The following GSE1 variants were observed in gnomAD, a reference collection of about 807,000 sequenced individuals.
GSE1 encodes Gse1 coiled-coil protein.
GSE1 carries 32 observed loss-of-function variants against 112.6 expected under a neutral mutation model. The observed-to-expected ratio is 0.28, with a 90% confidence interval of 0.21 to 0.38. The LOEUF (loss-of-function observed/expected upper bound fraction) is 0.38. Among genes scored for constraint, GSE1 ranks in the 10% least tolerant of loss-of-function variants. GSE1 has a pLI of 1.00. For missense variants in GSE1, 2,348 were observed against 1,699.2 expected (o/e 1.38, Z -6.71); for synonymous variants, 1,115 against 735.6 (o/e 1.52, Z -8.35).
chr16:85,194,129 C>G (rs4783145), intron 1 of GSE1, among the ~76,000 whole-genome samples: 24,781 of 152,046 alleles, frequency 0.16, 2,231 homozygotes, highest in Middle Eastern at 0.29. Context: ...TTCACTCTGA[C>G]TCCACGCCCC....
chr16:85,407,897 G>A (rs1410273971), intron 2 of GSE1, among the ~76,000 whole-genome samples: 3 of 37,676 alleles, frequency 8.0e-5, no homozygotes, highest in Admixed American at 6.5e-4. Context: ...TTACACTCAG[G>A]GCCCCCCTGG....
chr16:85,277,780 G>T (rs559720648), intron 1 of GSE1, among the ~76,000 whole-genome samples: 1 of 152,180 alleles, frequency 6.6e-6, no homozygotes, highest in Non-Finnish European at 1.5e-5. Flanking sequence ...CCCTGCCTTC[G>T]AGCTGTGTCT....
intron 1 of GSE1, among the ~76,000 whole-genome samples, chr16:85,586,243 C>T (rs564786730): frequency 6.6e-6 from 1 of 152,378 alleles, no homozygotes; most frequent in East Asian, 1.9e-4. Flanking sequence ...CTGCAATTTC[C>T]AGATGAGGGC....
At chr16:85,539,391 C>T (rs2044442633) in intron 2 of GSE1, among the ~76,000 whole-genome samples, 1 of 152,214 alleles carries the variant, frequency 6.6e-6, no homozygotes, top group Non-Finnish European at 1.5e-5. Context: ...AACCTAATTA[C>T]ACCTGCAATT....
intron 1 of GSE1, among the ~76,000 whole-genome samples, chr16:85,314,605 C>T (rs1256008299): frequency 6.6e-6 from 1 of 152,218 alleles, no homozygotes; most frequent in Non-Finnish European, 1.5e-5. Flanking sequence ...CACCCACAGG[C>T]TCCCTCCTTC....
intron 8 of GSE1, among the ~76,000 whole-genome samples, chr16:85,658,453 G>A (rs2052158667): frequency 6.6e-6 from 1 of 152,238 alleles, no homozygotes; most frequent in Non-Finnish European, 1.5e-5. Flanking sequence ...CAGCTCTCAA[G>A]GCTGTGATGC....
At chr16:85,274,663 A>C (rs115056534) in intron 1 of GSE1, among the ~76,000 whole-genome samples, 1,976 of 152,322 alleles carry the variant, frequency 0.013, 46 homozygotes, top group African/African-American at 0.04. Flanking sequence ...TAGTGTTAGC[A>C]GTGCTAACAG....
At chr16:85,607,652 G>T (rs759674037), upstream of GSE1, among the ~76,000 whole-genome samples, 2 of 152,212 alleles carry the variant, frequency 1.3e-5, no homozygotes, top group African/African-American at 2.4e-5. Context: ...AGCTGCTGGG[G>T]TGGGGCTCCC....
At chr16:85,517,499 G>T (rs1394300642) in intron 2 of GSE1, among the ~76,000 whole-genome samples, 1 of 152,204 alleles carries the variant, frequency 6.6e-6, no homozygotes, top group Non-Finnish European at 1.5e-5. Context: ...CCTCAGCCCA[G>T]AAGCTTCCAC....
chr16:85,380,509 A>AC (rs35033722), intron 2 of GSE1, among the ~76,000 whole-genome samples: 108,152 of 151,372 alleles, frequency 0.71, 41,416 homozygotes, highest in South Asian at 0.87. Flanking sequence ...GTGGGAGGAC[A>AC]CCCCCCCTCC....
At chr16:85,539,141 C>G (rs1410112555) in intron 2 of GSE1, among the ~76,000 whole-genome samples, 7 of 152,196 alleles carry the variant, frequency 4.6e-5, no homozygotes, top group Admixed American at 1.3e-4. Context: ...ATGTATGGAC[C>G]CAGCCTAATT....
intron 2 of GSE1, among the ~76,000 whole-genome samples, chr16:85,641,189 C>G (rs115558346): frequency 7.7e-4 from 117 of 152,386 alleles, no homozygotes; most frequent in African/African-American, 2.8e-3. Context: ...CTTCCTCGTC[C>G]TAACGTCCCA....
intron 1 of GSE1, among the ~76,000 whole-genome samples, chr16:85,575,193 C>T (rs1336544517): frequency 6.6e-6 from 1 of 152,212 alleles, no homozygotes; most frequent in Non-Finnish European, 1.5e-5. Flanking sequence ...GGGAATGAGG[C>T]TGAGCATATG....
intron 2 of GSE1, among the ~76,000 whole-genome samples, chr16:85,378,591 G>A (rs1394589189): frequency 1.1e-4 from 17 of 152,192 alleles, no homozygotes; most frequent in African/African-American, 3.6e-4. Flanking sequence ...CCTGCTTGGC[G>A]CCCTTCGTGC....
upstream of GSE1, chr16:85,613,097 GGTGCGCGCGCGCGCGCCT>G (rs2048101048): frequency 3.6e-6 from 3 of 844,262 alleles, no homozygotes; most frequent in African/African-American, 5.4e-5. Flanking sequence ...GGCGCCCGTC[GGTGCGCGCGCGCGCGCCT>G]GTGTGTTTGC....
Position 85,222,120 on chromosome 16 carries a change from G to A in GSE1, c.2283+50313G>A, listed in dbSNP as rs543338681. Among the ~76,000 whole-genome samples the A allele has an allele frequency of 1.2e-3, 179 of 152,230 alleles. 2 individuals carry two copies. Among genetic ancestry groups the A allele is most frequent in the African/African-American group, 4.1e-3 (172 of 41,548 alleles). On this transcript the variant is annotated intron_variant, in intron 1 of 2. Coordinates refer to the GSE1 transcript ENST00000637419. ...TCCCTCTGGGCCACATCTATTCCACGAGAGGATGGATGCTGGCACCCACTG... is the reference window on the plus strand; with the variant it reads ...TCCCTCTGGGCCACATCTATTCCACAAGAGGATGGATGCTGGCACCCACTG...
intron 1 of GSE1, among the ~76,000 whole-genome samples, chr16:85,604,284 C>T (rs2047588556): frequency 6.6e-6 from 1 of 152,156 alleles, no homozygotes; most frequent in South Asian, 2.1e-4. Flanking sequence ...TGGCTTCTTC[C>T]ATCCAGCATC....
chr16:85,393,495 A>G (rs936070746), intron 2 of GSE1, among the ~76,000 whole-genome samples: 1 of 152,194 alleles, frequency 6.6e-6, no homozygotes, highest in Non-Finnish European at 1.5e-5. Context: ...TAGGTGCCTA[A>G]TAAATGCCTC....
chr16:85,413,488 C>A (rs2048631829), intron 2 of GSE1, among the ~76,000 whole-genome samples: 1 of 151,760 alleles, frequency 6.6e-6, no homozygotes, highest in East Asian at 1.9e-4. Context: ...TCACTTACAC[C>A]TTCAGGCGGC....
Sources: gnomAD v4.1 joint callset for allele counts (sites outside exome capture counted in the v4.1 genomes callset) on GRCh38, gnomAD v4.1.1 for gene constraint, MANE v1.5 for transcripts, NCBI Gene and HGNC (gene_info 2026-07-23, HGNC 2026-07-21) for gene names.